Variants in PEX1 observed in about 807,000 individuals in gnomAD.
PEX1 encodes the protein peroxisomal ATPase PEX1.
Under a neutral mutation model 152.5 loss-of-function variants are expected in PEX1, and 97 were observed. That is an observed-to-expected ratio of 0.64 (90% confidence interval 0.54 to 0.75). PEX1 has a LOEUF of 0.75. Among genes scored for constraint, PEX1 ranks in the 30% least tolerant of loss-of-function variants. The pLI is 0.00. For missense variants in PEX1, 1,357 were observed against 1,516.3 expected, an observed-to-expected ratio of 0.89 and a Z score of 1.74; for synonymous variants, 485 against 531.6, an observed-to-expected ratio of 0.91 and a Z score of 1.21.
intron 16 of PEX1, among the ~76,000 whole-genome samples, chr7:92,498,068 G>GAA (rs781116048): frequency 0.06 from 2,908 of 48,076 alleles, 44 homozygotes; most frequent in Non-Finnish European, 0.09. Flanking sequence ...CAGTCTCAGA[G>GAA]AAAAAAAAAA....
At chr7:92,504,703 G>C in intron 12 of PEX1, 29 bp downstream of exon 12, 1 of 1,607,988 alleles carries the variant, frequency 6.2e-7, no homozygotes, top group Non-Finnish European at 8.5e-7. Flanking sequence ...AAAAGAACAA[G>C]ACCTTAAGCC....
At chr7:92,487,649 TAACA>T (rs1562840500) in intron 23 of PEX1, 108 bp from the exon 24 acceptor site, 12 of 500,992 alleles carry the variant, frequency 2.4e-5, no homozygotes, top group Non-Finnish European at 1.7e-5. Context: ...GAACGGGAAA[TAACA>T]AACTAGAAAA....
At chr7:92,514,733 T>TA (rs1257331412) in intron 5 of PEX1, among the ~76,000 whole-genome samples, 1 of 152,142 alleles carries the variant, frequency 6.6e-6, no homozygotes, top group Non-Finnish European at 1.5e-5. Flanking sequence ...ATAAATATAC[T>TA]AAAAATGACT....
At position 92,499,714 on chromosome 7, in the gene PEX1, A is replaced by T. The variant is rs1305700033; in HGVS notation, c.2708T>A (p.Ile903Lys). 12 of 1,612,892 alleles carry T rather than the reference A, an allele frequency of 7.4e-6. No individual in the cohort carries two copies. The change falls in exon 16 of 24, where the codon ATA (isoleucine) becomes AAA (lysine). Residue 903 changes from isoleucine to lysine, a missense_variant. Physicochemically the swap from Ile to Lys is moderately radical, Grantham distance 102 (BLOSUM62 -3). Coordinates refer to ENST00000248633, the MANE Select transcript of PEX1 (RefSeq NM_000466.3). ...AAGTAGACAACATACCTTGACACTT[A>T]TAAAATTCATTCTACTCTCTCGTGC... The part of the protein sequence containing the change: ...VIARESRMNF[I>K]SVKGPELLSK...
chr7:92,502,988 AT>A (rs1792003383), intron 13 of PEX1, 52 bp downstream of exon 13: 2 of 1,481,014 alleles, frequency 1.4e-6, no homozygotes, highest in Admixed American at 3.4e-5. Flanking sequence ...AAATTGAAAA[AT>A]AATTTCTATA....
intron 5 of PEX1, among the ~76,000 whole-genome samples, chr7:92,515,223 G>A (rs1267250969): frequency 6.6e-6 from 1 of 151,496 alleles, no homozygotes; most frequent in Non-Finnish European, 1.5e-5. Context: ...AAGAGCAGGT[G>A]CAGACATATT....
Position 92,518,211 on chromosome 7 carries a change from AAT to A in PEX1, c.400_401del (p.Ile134SerfsTer14). The A allele has an allele frequency of 6.2e-7, 1 of 1,613,772 alleles. No individual in the cohort carries two copies. Among genetic ancestry groups the A allele is most frequent in the Non-Finnish European group, 8.5e-7 (1 of 1,179,658 alleles). ...AAATGGCTTTTGGAAAAACTATTCG[AAT>A]TTGATCTAGAAGATGTTGTTCAAGG... Reference protein sequence around the residue: ...VSLEQHLLDQIRIVFPKAIFP... With the variant: ...VSLEQHLLDQXRIVFPKAIFP... On this transcript the variant is annotated frameshift_variant, in exon 4 of 24. Coordinates refer to ENST00000248633, the MANE Select transcript of PEX1 (RefSeq NM_000466.3). LOFTEE classifies it high-confidence loss of function.
chr7:92,497,769 C>G (rs1185152775), intron 16 of PEX1, among the ~76,000 whole-genome samples: 1 of 152,020 alleles, frequency 6.6e-6, no homozygotes, highest in Non-Finnish European at 1.5e-5. Flanking sequence ...GAGGAGGGAA[C>G]AAGAAATAAC....
At chr7:92,493,178 A>G (rs575923042) in intron 19 of PEX1, 49 bp from the exon 20 acceptor site, 1 of 1,003,612 alleles carries the variant, frequency 1.0e-6, no homozygotes, top group Admixed American at 2.1e-5. Context: ...AATTAAAAAT[A>G]TTATCTTAAA....
intron 14 of PEX1, 78 bp from the exon 15 acceptor site, chr7:92,501,751 T>C (rs1448322633): frequency 7.2e-7 from 1 of 1,396,544 alleles, no homozygotes; most frequent in East Asian, 2.3e-5. Context: ...TCATCTTAGC[T>C]GGAAACACTA....
chr7:92,510,178 T>C (rs541758239), intron 8 of PEX1, among the ~76,000 whole-genome samples: 2 of 142,170 alleles, frequency 1.4e-5, no homozygotes, highest in Non-Finnish European at 3.0e-5. Flanking sequence ...AAAATACTTC[T>C]AGAATAGCTG....
intron 17 of PEX1, among the ~76,000 whole-genome samples, chr7:92,495,399 TCTG>T (rs1298921999): frequency 6.6e-6 from 1 of 152,146 alleles, no homozygotes; most frequent in Non-Finnish European, 1.5e-5. Flanking sequence ...ACCAGAATTA[TCTG>T]CTACTTGAAT....
intron 1 of PEX1, 112 bp from the exon 2 acceptor site, chr7:92,522,357 G>A: frequency 9.9e-7 from 1 of 1,014,576 alleles, no homozygotes; most frequent in East Asian, 2.5e-5. Context: ...TCTATAGATA[G>A]TTCTCTGTTA....
chr7:92,511,689 A>G lies in PEX1; in HGVS notation c.1374T>C (p.Ser458=). ...AAAATACAGTTTTTATGTCTTCTTC[A>G]CTTATGTCTTTAGGCTGCCAGAAAA... ...QPRENLPKDI[S]EEDIKTVFYS... is the part of the protein sequence containing the mutation. The change falls in exon 7 of 24, where the codon AGT becomes AGC. Residue 458 remains serine, a synonymous_variant. Coordinates refer to ENST00000248633, the MANE Select transcript of PEX1 (RefSeq NM_000466.3). The G allele has an allele frequency of 6.2e-7, 1 of 1,611,960 alleles. No homozygotes were observed. Among genetic ancestry groups the G allele is most frequent in the Non-Finnish European group, 8.5e-7 (1 of 1,178,916 alleles).
At chr7:92,516,041 G>GAAAAA (rs1792734423) in intron 5 of PEX1, among the ~76,000 whole-genome samples, 1 of 103,382 alleles carries the variant, frequency 9.7e-6, no homozygotes, top group African/African-American at 4.0e-5. Flanking sequence ...GAGAAGAGAA[G>GAAAAA]AGAAGAGAAG....
rs991552620 is a variant in PEX1, at chr7:92,503,071, C to A, written c.2196G>T (p.Gln732His). 1 of 1,613,762 alleles carries A rather than the reference C, an allele frequency of 6.2e-7. No homozygotes were observed. The highest frequency in any genetic ancestry group is 2.2e-5 in the East Asian group (1 of 44,832). ...LVSAQGVHIF[Q>H]CVQHIQPPNQ... Reference sequence around the variant, plus strand: ...TAGGAGGCTGAATGTGTTGGACGCACTGAAATATGTGAACTCCTTGAGCAG... The same window carrying A: ...TAGGAGGCTGAATGTGTTGGACGCAATGAAATATGTGAACTCCTTGAGCAG... The change falls in exon 13 of 24, where the codon CAG becomes CAT. Residue 732 changes from glutamine (Q) to histidine (H), a missense_variant. Physicochemically the swap from Gln to His is conservative, Grantham distance 24 (BLOSUM62 0). Coordinates refer to ENST00000248633, the MANE Select transcript of PEX1 (RefSeq NM_000466.3).
At chr7:92,510,703 A>G (rs1328107019) in intron 8 of PEX1, among the ~76,000 whole-genome samples, 1 of 152,082 alleles carries the variant, frequency 6.6e-6, no homozygotes, top group Non-Finnish European at 1.5e-5. Flanking sequence ...AACATGATCA[A>G]CTCTATTCTT....
At chr7:92,494,183 TAAGA>T in intron 19 of PEX1, 106 bp downstream of exon 19, 1 of 823,788 alleles carries the variant, frequency 1.2e-6, no homozygotes, top group Non-Finnish European at 2.1e-6. Context: ...AGCTTTTCCC[TAAGA>T]AAGCTGGTCT....
chr7:92,501,703 CTAGT>C lies in PEX1; in HGVS notation c.2417-34_2417-31del, dbSNP rs1205489732. ...TTAAAAATAAACAAAACTTCTTTTA[CTAGT>C]TATATTCACTATATGAATTTTCAAA... On this transcript the variant is annotated intron_variant, in intron 14 of 23. Coordinates refer to ENST00000248633, the MANE Select transcript of PEX1 (RefSeq NM_000466.3). The C allele has an allele frequency of 3.2e-6, 5 of 1,567,852 alleles. No homozygotes were observed. The East Asian group carries it at 1.1e-4, about 35-fold the overall frequency.
Sources: allele counts gnomAD v4.1 joint callset (sites outside exome capture counted in the v4.1 genomes callset), GRCh38; gene constraint gnomAD v4.1.1; transcripts MANE v1.5; gene names NCBI Gene and HGNC (gene_info 2026-07-23, HGNC 2026-07-21).